The following SMARCD3 variants were observed in gnomAD, a reference collection of about 807,000 sequenced individuals.
SMARCD3 encodes SWI/SNF related BAF chromatin remodeling complex subunit D3, also known as SWI/SNF-related matrix-associated actin-dependent regulator of chromatin subfamily D member 3.
In SMARCD3, 14 loss-of-function variants were observed where a neutral mutation model predicts 58.0. The observed-to-expected ratio is 0.24, with a 90% CI of 0.16 to 0.38. The LOEUF (loss-of-function observed/expected upper bound fraction) is 0.38. SMARCD3 is among the 10% of genes least tolerant of loss of function. The pLI is 1.00. For synonymous variants in SMARCD3, 253 were observed against 253.8 expected (o/e 1.00, Z 0.03); for missense variants, 408 against 636.9 (o/e 0.64, Z 3.87).
At chr7:151,271,732 C>T (rs542960624) in intron 2 of SMARCD3, among the ~76,000 whole-genome samples, 2 of 152,154 alleles carry the variant, frequency 1.3e-5, no homozygotes, top group South Asian at 4.1e-4. Flanking sequence ...GGGAGGATTG[C>T]TTGAGCCCAG....
chr7:151,247,902 A>T (rs1275152254), intron 1 of SMARCD3, among the ~76,000 whole-genome samples: 2 of 152,204 alleles, frequency 1.3e-5, no homozygotes, highest in Non-Finnish European at 2.9e-5. Flanking sequence ...GGAGACCCTC[A>T]GAGCCCCTAA....
intron 2 of SMARCD3, among the ~76,000 whole-genome samples, chr7:151,263,952 C>T (rs1222299477): frequency 6.6e-6 from 1 of 152,208 alleles, no homozygotes; most frequent in East Asian, 1.9e-4. Flanking sequence ...CTATCTGGTC[C>T]TCAAACTCAT....
Position 151,248,004 on chromosome 7 carries a change from C to A in SMARCD3, c.78+481G>T, listed in dbSNP as rs1228546083. The stretch of plus-strand genomic sequence containing the variant: ...TGGGATGCAGAGGTGGCTCAGCCTG[C>A]GAGCTTCCCGCTACAGTGCCTCCAG... On this transcript the variant is annotated intron_variant, in intron 1 of 12. Transcript: ENST00000262188. This position sits in a 1 kb window ranked among gnomAD's most constrained non-coding sequence, Gnocchi z 6.1. 2.6e-5 allele frequency among the ~76,000 whole-genome samples: 4 copies of A among 152,236 alleles called. No homozygotes were observed. In the South Asian group the frequency reaches 6.2e-4, roughly 24 times the overall value.
In SMARCD3 at chr7:151,242,415, T is replaced by C. The variant is rs1324156781; in HGVS notation, c.579+66A>G. 1 of 1,592,960 alleles carries C rather than the reference T, an allele frequency of 6.3e-7. No individual in the cohort carries two copies. The highest frequency in any genetic ancestry group is 8.6e-7 in the Non-Finnish European group (1 of 1,167,236). ...TCCCTAGCCCTTAGTGCAGACACCT[T>C]GTTCTGTTCTCAGTGCAGCCCATGC... On this transcript the variant is annotated intron_variant, in intron 5 of 12. Coordinates refer to ENST00000262188, the MANE Select transcript of SMARCD3 (RefSeq NM_001003801.2). The surrounding 1 kb of genome is among the most constrained non-coding windows in gnomAD (Gnocchi z 4.7).
At chr7:151,249,893 C>A (rs1321896684), upstream of SMARCD3, among the ~76,000 whole-genome samples, 9 of 151,950 alleles carry the variant, frequency 5.9e-5, no homozygotes, top group Admixed American at 2.0e-4. This position sits in a 1 kb window ranked among gnomAD's most constrained non-coding sequence, Gnocchi z 4.8. Flanking sequence ...CCTGGGCCTA[C>A]CCAGGTCCCC....
At chr7:151,248,704 G>T, upstream of SMARCD3, 1 of 1,366,658 alleles carries the variant, frequency 7.3e-7, no homozygotes. This position sits in a 1 kb window ranked among gnomAD's most constrained non-coding sequence, Gnocchi z 6.1. Flanking sequence ...TGGGGAGGGG[G>T]CCCCTTCAGG....
chr7:151,249,591 G>C (rs1005337042), upstream of SMARCD3: 5 of 152,088 alleles, frequency 3.3e-5, no homozygotes, highest in African/African-American at 1.2e-4. This position sits in a 1 kb window ranked among gnomAD's most constrained non-coding sequence, Gnocchi z 4.8. Context: ...CGCAGCGCCA[G>C]GGGGGTGCTC....
chr7:151,269,986 G>A (rs1054829207), intron 2 of SMARCD3, among the ~76,000 whole-genome samples: 4 of 152,160 alleles, frequency 2.6e-5, no homozygotes, highest in South Asian at 2.1e-4. Flanking sequence ...GATCTTCAGC[G>A]CTCCCCAGGG....
At chr7:151,259,304 A>G (rs1456810276) in intron 2 of SMARCD3, among the ~76,000 whole-genome samples, 1 of 150,648 alleles carries the variant, frequency 6.6e-6, no homozygotes, top group African/African-American at 2.5e-5. Flanking sequence ...GTGAGCTGAG[A>G]TCACACCACT....
chr7:151,239,063 C>T lies in SMARCD3; in HGVS notation c.*40G>A, dbSNP rs750038869. ...CGGGGCAAAATGCTGGGGCCCGGGACACGGCTGAAAGTTCCGTCGTGCTGC... is the reference window on the plus strand; with the variant it reads ...CGGGGCAAAATGCTGGGGCCCGGGATACGGCTGAAAGTTCCGTCGTGCTGC... On this transcript the variant is annotated 3_prime_UTR_variant, in exon 13 of 13. Transcript: ENST00000262188. This position sits in a 1 kb window ranked among gnomAD's most constrained non-coding sequence, Gnocchi z 7.0. 6.2e-7 allele frequency: 1 copy of T among 1,606,272 alleles called. No individual in the cohort carries two copies. The highest frequency in any genetic ancestry group is 1.1e-5 in the South Asian group (1 of 90,916).
At chr7:151,258,369 A>C (rs889379597) in intron 2 of SMARCD3, among the ~76,000 whole-genome samples, 5 of 152,076 alleles carry the variant, frequency 3.3e-5, no homozygotes, top group African/African-American at 9.7e-5. Flanking sequence ...GTTCGAGAGC[A>C]GCCTGGCCAA....
chr7:151,243,816 C>A lies in SMARCD3; in HGVS notation c.291-115G>T. ...CCCGCCTGGCTGGGGTTCCCACAGC[C>A]CACTTGTCTGCCCGCCCAAGGGCTG... On this transcript the variant is annotated intron_variant, in intron 2 of 12. Transcript: ENST00000262188. The surrounding 1 kb of genome is among the most constrained non-coding windows in gnomAD (Gnocchi z 4.4). The A allele has an allele frequency of 1.2e-6, 1 of 800,986 alleles. No individual in the cohort carries two copies. The highest frequency in any genetic ancestry group is 1.4e-5 in the South Asian group (1 of 72,656). 49.6% of individuals were successfully genotyped at this position (800,986 alleles called of 1,614,324 possible).
At chr7:151,276,406 T>G (rs1467286874) in intron 1 of SMARCD3, among the ~76,000 whole-genome samples, 3 of 76,172 alleles carry the variant, frequency 3.9e-5, no homozygotes, top group African/African-American at 5.5e-5. Flanking sequence ...TGACAGGCAA[T>G]GGGAGGAGGT....
At chr7:151,274,690 G>A (rs1795286164) in intron 2 of SMARCD3, among the ~76,000 whole-genome samples, 1 of 152,242 alleles carries the variant, frequency 6.6e-6, no homozygotes, top group South Asian at 2.1e-4. Flanking sequence ...ATGTGAGCAT[G>A]TGCACGTATG....
chr7:151,245,444 C>T lies in SMARCD3; in HGVS notation c.290+16G>A. The T allele has an allele frequency of 8.6e-7, 1 of 1,165,266 alleles. No individual in the cohort carries two copies. Among genetic ancestry groups the T allele is most frequent in the Non-Finnish European group, 1.1e-6 (1 of 928,718 alleles). 72.2% of individuals were successfully genotyped at this position (1,165,266 alleles called of 1,614,324 possible). On this transcript the variant is annotated intron_variant, in intron 2 of 12. Coordinates refer to ENST00000262188, the MANE Select transcript of SMARCD3 (RefSeq NM_001003801.2). The surrounding 1 kb of genome is among the most constrained non-coding windows in gnomAD (Gnocchi z 6.2). ...CCGCCCCTGCACGCCCCCTCCTCGC[C>T]GGGCCTCCCACTCACCTGCGGCTCC...
rs897748382 is a variant in SMARCD3 at position 151,246,536 on chromosome 7, C to T, written c.79-865G>A. Among the ~76,000 whole-genome samples, 10 of 152,088 alleles carry T rather than the reference C, an allele frequency of 6.6e-5. No individual in the cohort carries two copies. Among genetic ancestry groups the T allele is most frequent in the African/African-American group, 2.4e-4 (10 of 41,416 alleles). ...CTGCCCAGGGGGGCCTGGGGTGGGT[C>T]AGGGCAGTGACACTTGCACTCACAT... On this transcript the variant is annotated intron_variant, in intron 1 of 12. Coordinates refer to ENST00000262188, the MANE Select transcript of SMARCD3 (RefSeq NM_001003801.2). This position sits in a 1 kb window ranked among gnomAD's most constrained non-coding sequence, Gnocchi z 4.4.
rs552364244 is a variant in SMARCD3 at position 151,260,725 on chromosome 7, C to T, written c.39+14389G>A. The stretch of plus-strand genomic sequence containing the variant: ...ACAGCCCCCTACCACCTCACCTTGC[C>T]TTCCTGGTGCCACTTGGTGCTAGGT... On this transcript the variant is annotated intron_variant, in intron 2 of 13. Transcript: ENST00000356800. Among the ~76,000 whole-genome samples, 5 of 152,342 alleles carry T rather than the reference C, an allele frequency of 3.3e-5. No homozygotes were observed. The East Asian group carries it at 9.6e-4, about 29-fold the overall frequency.
At chr7:151,240,333 G>T in intron 9 of SMARCD3, 86 bp from the exon 10 acceptor site, 1 of 1,600,948 alleles carries the variant, frequency 6.2e-7, no homozygotes, top group Non-Finnish European at 8.6e-7. Flanking sequence ...AACAGGGAGG[G>T]AGAAGAGATG....
In SMARCD3 at chr7:151,242,512, T is replaced by A; in HGVS notation, c.548A>T (p.Glu183Val). 1 of 1,613,990 alleles carries A rather than the reference T, an allele frequency of 6.2e-7. No individual in the cohort carries two copies. Among genetic ancestry groups the A allele is most frequent in the Non-Finnish European group, 8.5e-7 (1 of 1,179,986 alleles). Residue 183 changes from glutamate to valine, a missense_variant, in exon 5 of 13, where the codon GAG (glutamate) becomes GTG (valine). Physicochemically the swap from Glu to Val is moderately radical, Grantham distance 121. Transcript: ENST00000262188. This position sits in a 1 kb window ranked among gnomAD's most constrained non-coding sequence, Gnocchi z 4.7. ...EDSDGSIASWELRVEGKLLDD... is the reference protein window; with the variant it reads ...EDSDGSIASWVLRVEGKLLDD... Reference sequence around the variant, plus strand: ...CAGGAGCTTCCCCTCCACCCGTAGCTCCCAGGAGGCAATGCTGCCGTCGGA... The same window carrying A: ...CAGGAGCTTCCCCTCCACCCGTAGCACCCAGGAGGCAATGCTGCCGTCGGA...
Sources: allele counts gnomAD v4.1 joint callset (sites outside exome capture counted in the v4.1 genomes callset), GRCh38; gene constraint gnomAD v4.1.1; non-coding constraint Gnocchi (gnomAD v3.1); transcripts MANE v1.5; gene names NCBI Gene and HGNC (gene_info 2026-07-23, HGNC 2026-07-21).